Variants in GABRG2 observed in about 807,000 individuals in gnomAD.
The protein encoded by GABRG2 is gamma-aminobutyric acid receptor subunit gamma-2.
Under a neutral mutation model 56.4 loss-of-function variants are expected in GABRG2, and 16 were observed. The ratio of observed to expected loss-of-function variants is 0.28; its 90% CI spans 0.19 to 0.43. The LOEUF is 0.43. Among genes scored for constraint, GABRG2 ranks in the 20% least tolerant of loss-of-function variants. The pLI is 1.00. For synonymous variants in GABRG2, 208 were observed against 205.5 expected (o/e 1.01, Z -0.10); for missense variants, 327 against 582.7 (o/e 0.56, Z 4.52).
chr5:162,108,342 C>A (rs1253235038), intron 6 of GABRG2, among the ~76,000 whole-genome samples: 1 of 152,136 alleles, frequency 6.6e-6, no homozygotes, highest in African/African-American at 2.4e-5. Flanking sequence ...GTCTCAGGAA[C>A]TTTCCAGTCT....
At chr5:162,084,075 C>T (rs1180461592) in intron 1 of GABRG2, among the ~76,000 whole-genome samples, 1 of 151,732 alleles carries the variant, frequency 6.6e-6, no homozygotes, top group Non-Finnish European at 1.5e-5. Flanking sequence ...ATATGCCAAG[C>T]TTGCTCTTGT....
At chr5:162,140,048 C>T (rs894131235) in intron 6 of GABRG2, among the ~76,000 whole-genome samples, 1 of 152,138 alleles carries the variant, frequency 6.6e-6, no homozygotes, top group Non-Finnish European at 1.5e-5. Context: ...AGGGACCAAA[C>T]TAATTTATGA....
chr5:162,097,999 A>G (rs1200040658), intron 4 of GABRG2, 141 bp downstream of exon 4: 8 of 692,806 alleles, frequency 1.2e-5, no homozygotes, highest in African/African-American at 1.8e-5. Context: ...ATCAATTAGT[A>G]TATGACATCA....
In GABRG2 at chr5:162,153,459, G is replaced by C; in HGVS notation, c.*91G>C. On this transcript the variant is annotated 3_prime_UTR_variant, in exon 10 of 10. Transcript: ENST00000639213. ...GTCCACTTAAATAATCCTCTATGTG[G>C]TTGATAATGATCTGAATCTGTTTCT... 1 of 1,412,454 alleles carries C rather than the reference G, an allele frequency of 7.1e-7. No individual in the cohort carries two copies. The highest frequency in any genetic ancestry group is 1.0e-6 in the Non-Finnish European group (1 of 999,780). The allele number at this position is 1,412,454 out of a possible 1,614,324, so 87.5% of individuals were successfully genotyped here. A position where few individuals can be genotyped will look rare whatever the true frequency, so the allele number is the denominator to read the frequency against.
intron 9 of GABRG2, chr5:162,151,958 A>G: frequency 6.2e-6 from 3 of 482,844 alleles, no homozygotes; most frequent in Non-Finnish European, 1.1e-5. Context: ...CACCAAGCCC[A>G]AAAGCTATAA....
chr5:162,090,015 C>T (rs928463212), intron 1 of GABRG2, among the ~76,000 whole-genome samples: 3 of 152,118 alleles, frequency 2.0e-5, no homozygotes, highest in African/African-American at 7.2e-5. Flanking sequence ...TGAACAGTCT[C>T]TATGCAGTAT....
chr5:162,109,420 A>ATATATATATATTTATTTATT (rs1424412323), intron 6 of GABRG2, among the ~76,000 whole-genome samples: 112 of 116,034 alleles, frequency 9.7e-4, no homozygotes, highest in South Asian at 1.8e-3. Context: ...ATATATATAT[A>ATATATATATATTTATTTATT]TATTTATTTA....
intron 1 of GABRG2, among the ~76,000 whole-genome samples, chr5:162,083,871 C>T (rs927663556): frequency 8.6e-5 from 13 of 151,880 alleles, no homozygotes; most frequent in South Asian, 6.2e-4. Flanking sequence ...CTAAGTAATA[C>T]GTGGTCATTT....
intron 1 of GABRG2, among the ~76,000 whole-genome samples, chr5:162,070,111 CT>C (rs1034358406): frequency 6.6e-5 from 10 of 152,076 alleles, no homozygotes; most frequent in Admixed American, 2.6e-4. Context: ...ACAGCCCCAC[CT>C]TTTCCATTTC....
chr5:162,086,460 T>C (rs1022973311), intron 1 of GABRG2, among the ~76,000 whole-genome samples: 4 of 152,030 alleles, frequency 2.6e-5, no homozygotes, highest in African/African-American at 9.7e-5. Context: ...AGTATTAATG[T>C]TATAAAAAGC....
At chr5:162,093,332 C>T (rs925216480) in intron 1 of GABRG2, among the ~76,000 whole-genome samples, 4 of 152,058 alleles carry the variant, frequency 2.6e-5, no homozygotes, top group African/African-American at 7.2e-5. Context: ...GAGCTCTCTC[C>T]TTAGTGTTCA....
At chr5:162,120,482 A>G (rs1762909464) in intron 6 of GABRG2, among the ~76,000 whole-genome samples, 1 of 152,122 alleles carries the variant, frequency 6.6e-6, no homozygotes, top group Non-Finnish European at 1.5e-5. Context: ...CAGTGGAGAT[A>G]TTAGAGAGTT....
rs2268581 is a variant in GABRG2, at chr5:162,143,684, A to T, written c.922+1368A>T. ...ATGGGTTTGACATCACACATTTAGG[A>T]TAACATTAGAATGTCATTTAATCTC... On this transcript the variant is annotated intron_variant, in intron 7 of 9. Transcript: ENST00000639213. Among the ~76,000 whole-genome samples the T allele has an allele frequency of 5.0e-3, 759 of 152,284 alleles. 36 individuals carry two copies. In the East Asian group the frequency reaches 0.11, roughly 22 times the overall value.
intron 1 of GABRG2, among the ~76,000 whole-genome samples, chr5:162,093,026 G>A (rs1346738068): frequency 6.6e-6 from 1 of 152,072 alleles, no homozygotes; most frequent in Non-Finnish European, 1.5e-5. Context: ...TCATTCTCAG[G>A]TGGCTTCCAG....
chr5:162,136,822 A>T (rs1764167056), intron 6 of GABRG2, among the ~76,000 whole-genome samples: 1 of 152,150 alleles, frequency 6.6e-6, no homozygotes. Context: ...AGAAAGTTTA[A>T]TTGTGGTGTG....
chr5:162,098,098 C>A, intron 4 of GABRG2: 2 of 532,978 alleles, frequency 3.8e-6, no homozygotes, highest in Non-Finnish European at 6.7e-6. Context: ...GCTGTGAAAA[C>A]TATTTTTTGT....
rs779125212 is a variant in GABRG2 at position 162,149,327 on chromosome 5, T to C, written c.1128+14T>C. On this transcript the variant is annotated intron_variant, in intron 8 of 9. Transcript: ENST00000639213. ...AAGAAAAACCCTGTATGTATCATTT[T>C]CCATTGGCACCATTGAAATTTTTAT... 26 of 1,612,470 alleles carry C rather than the reference T, an allele frequency of 1.6e-5. No individual in the cohort carries two copies. The highest frequency in any genetic ancestry group is 1.3e-4 in the Admixed American group (8 of 59,972).
chr5:162,085,395 T>A (rs968387150), intron 1 of GABRG2, among the ~76,000 whole-genome samples: 1 of 151,962 alleles, frequency 6.6e-6, no homozygotes, highest in Non-Finnish European at 1.5e-5. Flanking sequence ...AATATTCCAG[T>A]TTAATAATCA....
intron 6 of GABRG2, among the ~76,000 whole-genome samples, chr5:162,121,784 A>C (rs1225443190): frequency 3.3e-5 from 5 of 152,054 alleles, no homozygotes; most frequent in Admixed American, 3.3e-4. Flanking sequence ...GAAGCATTTG[A>C]AATGAATCTT....
Sources: allele counts gnomAD v4.1 joint callset (sites outside exome capture counted in the v4.1 genomes callset), GRCh38; gene constraint gnomAD v4.1.1; transcripts MANE v1.5; gene names NCBI Gene and HGNC (gene_info 2026-07-23, HGNC 2026-07-21).